Variants in FRAS1 observed in about 807,000 individuals in gnomAD.
FRAS1 encodes Fraser extracellular matrix complex subunit 1, also known as extracellular matrix organizing protein FRAS1.
In FRAS1, 290 loss-of-function variants were observed where a neutral mutation model predicts 435.2. The ratio of observed to expected loss-of-function variants is 0.67; its 90% CI spans 0.61 to 0.73. The LOEUF (loss-of-function observed/expected upper bound fraction) is 0.73. Ranked by LOEUF, FRAS1 falls within the 30% of genes least tolerant of loss-of-function variation. FRAS1 has a pLI of 0.00. For missense variants in FRAS1, 4,860 were observed against 5,001.5 expected, an observed-to-expected ratio of 0.97 and a Z score of 0.85; for synonymous variants, 1,800 against 1,851.0, an observed-to-expected ratio of 0.97 and a Z score of 0.71.
intron 15 of FRAS1, among the ~76,000 whole-genome samples, chr4:78,309,661 A>ATT (rs66913216): frequency 3.3e-5 from 5 of 151,122 alleles, no homozygotes; most frequent in South Asian, 2.1e-4. Flanking sequence ...ACCTCTGCCT[A>ATT]TTTTTTTTTA....
At position 78,473,509 on chromosome 4, in the gene FRAS1, C is replaced by A; in HGVS notation, c.7594C>A (p.Gln2532Lys). 6.2e-7 allele frequency: 1 copy of A among 1,613,368 alleles called. No homozygotes were observed. The highest frequency in any genetic ancestry group is 8.5e-7 in the Non-Finnish European group (1 of 1,179,522). ...EKIREMMDSF[Q>K]FLVKDSKPNV... The stretch of plus-strand genomic sequence containing the variant: ...GATCCGTGAGATGATGGATAGTTTT[C>A]AGTTTCTGGTGAAAGACAGTAAACC... Residue 2532 changes from glutamine (Q) to lysine (K), a missense_variant, in exon 53 of 74, where the codon CAG becomes AAG. By Grantham distance (53) the Gln-to-Lys change is moderately conservative (BLOSUM62 1). Coordinates refer to ENST00000512123, the MANE Select transcript of FRAS1 (RefSeq NM_025074.7).
At chr4:78,440,028 T>C (rs1433054455) in intron 40 of FRAS1, among the ~76,000 whole-genome samples, 1 of 143,772 alleles carries the variant, frequency 7.0e-6, no homozygotes, top group African/African-American at 2.6e-5. Context: ...TTTTTTTTTT[T>C]TTTTTTTTTT....
At position 78,383,985 on chromosome 4, in the gene FRAS1, T is replaced by A. The variant is rs1350931508; in HGVS notation, c.3564-74T>A. 5 of 1,124,908 alleles carry A rather than the reference T, an allele frequency of 4.4e-6. No individual in the cohort carries two copies. The East Asian group carries it at 7.3e-5, about 16-fold the overall frequency. 69.7% of individuals were successfully genotyped at this position (1,124,908 alleles called of 1,614,324 possible). A position where few individuals can be genotyped will look rare whatever the true frequency, so the allele number is the denominator to read the frequency against. The stretch of plus-strand genomic sequence containing the variant: ...CTTACCTACACATAACCTGAAAATG[T>A]TTTTAAGCCTTTTCTGTGTAAAGTC... On this transcript the variant is annotated intron_variant, in intron 27 of 73. Coordinates refer to ENST00000512123, the MANE Select transcript of FRAS1 (RefSeq NM_025074.7).
At position 78,180,766 on chromosome 4, in the gene FRAS1, T is replaced by C. The variant is rs1721964566; in HGVS notation, c.109-56744T>C. 6.3e-5 allele frequency: 59 copies of C among 930,584 alleles called. No individual in the cohort carries two copies. The South Asian group carries it at 9.1e-4, about 14-fold the overall frequency. The allele number at this position is 930,584 out of a possible 1,614,324, so 57.6% of individuals were successfully genotyped here. On this transcript the variant is annotated intron_variant, in intron 2 of 73. Coordinates refer to ENST00000512123, the MANE Select transcript of FRAS1 (RefSeq NM_025074.7). The stretch of plus-strand genomic sequence containing the variant: ...TAGGTGTGAATGGTATGAATGACAG[T>C]CTTTTTTTTTTTTTAATTTGTCATT...
At chr4:78,246,352 C>G (rs1269209635) in intron 4 of FRAS1, among the ~76,000 whole-genome samples, 2 of 152,120 alleles carry the variant, frequency 1.3e-5, no homozygotes, top group Non-Finnish European at 2.9e-5. Context: ...ACCTAAAACT[C>G]AGAAAGCACA....
rs1381437982 is a variant in FRAS1 at position 78,286,550 on chromosome 4, G to C, written c.1534+11G>C. The C allele has an allele frequency of 6.2e-7, 1 of 1,609,960 alleles. No individual in the cohort carries two copies. The highest frequency in any genetic ancestry group is 1.1e-5 in the South Asian group (1 of 90,986). On this transcript the variant is annotated intron_variant, in intron 14 of 73. Coordinates refer to ENST00000512123, the MANE Select transcript of FRAS1 (RefSeq NM_025074.7). ...GCCATTCCTGTGCAGGTAATCTCTG[G>C]CTGGGCCACAGTTGGGCCAGCTACC...
In FRAS1 at chr4:78,304,943, A is replaced by G. The variant is rs1418656739; in HGVS notation, c.1535-3123A>G. Among the ~76,000 whole-genome samples the G allele has an allele frequency of 2.6e-5, 4 of 151,926 alleles. No individual in the cohort carries two copies. In the South Asian group the frequency reaches 6.3e-4, roughly 24 times the overall value. On this transcript the variant is annotated intron_variant, in intron 14 of 73. Coordinates refer to ENST00000512123, the MANE Select transcript of FRAS1 (RefSeq NM_025074.7). ...TGCACTTGCTTTTCTAGTTCTTTTAATTGTGATGTCAGGGTGTCAATTTTG... is the reference window on the plus strand; with the variant it reads ...TGCACTTGCTTTTCTAGTTCTTTTAGTTGTGATGTCAGGGTGTCAATTTTG...
intron 29 of FRAS1, among the ~76,000 whole-genome samples, chr4:78,399,166 C>G (rs1054382219): frequency 1.8e-4 from 28 of 152,130 alleles, no homozygotes; most frequent in African/African-American, 6.3e-4. Context: ...GCCCTGAGCA[C>G]CAATCAGGTT....
At chr4:78,430,065 T>C (rs1345111216) in intron 36 of FRAS1, among the ~76,000 whole-genome samples, 1 of 152,150 alleles carries the variant, frequency 6.6e-6, no homozygotes, top group Non-Finnish European at 1.5e-5. Context: ...TGTTCTAAAT[T>C]CAGAACTACC....
chr4:78,266,589 C>T (rs1021629932), intron 7 of FRAS1, among the ~76,000 whole-genome samples: 5 of 152,216 alleles, frequency 3.3e-5, no homozygotes, highest in Non-Finnish European at 4.4e-5. Context: ...GTGCCTGGCA[C>T]AGAGTGGGCC....
At chr4:78,245,473 A>G (rs1578204012) in intron 4 of FRAS1, 148 bp downstream of exon 4, 1 of 617,608 alleles carries the variant, frequency 1.6e-6, no homozygotes. Context: ...GTGAGCATTT[A>G]GGTTTCTTGT....
In FRAS1 at chr4:78,246,505, C is replaced by T. The variant is rs28633380; in HGVS notation, c.309+1180C>T. On this transcript the variant is annotated intron_variant, in intron 4 of 73. Transcript: ENST00000512123. The stretch of plus-strand genomic sequence containing the variant: ...CTACACTGAGAATGTCTTCAGACCA[C>T]GTATCACTATGTGCTGCTCGATTCA... Among the ~76,000 whole-genome samples, 553 of 152,322 alleles carry T rather than the reference C, an allele frequency of 3.6e-3. 4 individuals are homozygous for T. Among genetic ancestry groups the T allele is most frequent in the African/African-American group, 0.012 (517 of 41,566 alleles).
rs1722120318 is a variant in FRAS1 at position 78,543,535 on chromosome 4, A to G, written c.*2411A>G. Reference sequence around the variant, plus strand: ...GAAATGACAAGGGCAAGAGTGAGATAGGAAACTGTGTGTGAAAGGAAAGCC... The same window carrying G: ...GAAATGACAAGGGCAAGAGTGAGATGGGAAACTGTGTGTGAAAGGAAAGCC... On this transcript the variant is annotated 3_prime_UTR_variant, in exon 74 of 74. Coordinates refer to ENST00000512123, the MANE Select transcript of FRAS1 (RefSeq NM_025074.7). 1 of 152,246 alleles carries G rather than the reference A, an allele frequency of 6.6e-6. No homozygotes were observed. Among genetic ancestry groups the G allele is most frequent in the Non-Finnish European group, 1.5e-5 (1 of 68,036 alleles). The allele number at this position is 152,246 out of a possible 1,614,324, so 9.4% of individuals were successfully genotyped here.
chr4:78,099,539 CT>C (rs1356206088), intron 2 of FRAS1, among the ~76,000 whole-genome samples: 3 of 152,192 alleles, frequency 2.0e-5, no homozygotes, highest in Non-Finnish European at 4.4e-5. Context: ...ATTGAATAAA[CT>C]CTTATAAACA....
At chr4:78,358,874 T>A (rs1484252633) in intron 20 of FRAS1, among the ~76,000 whole-genome samples, 1 of 152,204 alleles carries the variant, frequency 6.6e-6, no homozygotes, top group African/African-American at 2.4e-5. Context: ...GAGTCCCTAA[T>A]GACATGTGGG....
At chr4:78,504,304 T>C (rs1008663317) in intron 61 of FRAS1, among the ~76,000 whole-genome samples, 1 of 152,190 alleles carries the variant, frequency 6.6e-6, no homozygotes, top group African/African-American at 2.4e-5. Flanking sequence ...TTGTCTAATA[T>C]TGACTGACAG....
chr4:78,509,793 G>A (rs1223731546), intron 63 of FRAS1, among the ~76,000 whole-genome samples: 2 of 152,210 alleles, frequency 1.3e-5, no homozygotes, highest in African/African-American at 2.4e-5. Context: ...TGAGATTCAG[G>A]CTTAGTATAT....
intron 9 of FRAS1, among the ~76,000 whole-genome samples, chr4:78,275,127 A>G (rs1008994780): frequency 2.0e-5 from 3 of 152,108 alleles, no homozygotes; most frequent in Admixed American, 6.6e-5. Flanking sequence ...ATCAGAGACT[A>G]GATTGCAACC....
chr4:78,118,357 T>C (rs1718786173), intron 2 of FRAS1, among the ~76,000 whole-genome samples: 1 of 152,168 alleles, frequency 6.6e-6, no homozygotes, highest in Admixed American at 6.5e-5. Context: ...TCCTCAACGC[T>C]GTCAGACAGG....
Sources: allele counts gnomAD v4.1 joint callset (sites outside exome capture counted in the v4.1 genomes callset), GRCh38; gene constraint gnomAD v4.1.1; transcripts MANE v1.5; gene names NCBI Gene and HGNC (gene_info 2026-07-23, HGNC 2026-07-21).